Variants in CSRP2 observed in about 807,000 individuals in gnomAD.
CSRP2 encodes cysteine and glycine rich protein 2, also known as cysteine and glycine-rich protein 2.
In CSRP2, 18 loss-of-function variants were observed where a neutral mutation model predicts 24.6. That is an observed-to-expected ratio of 0.73 (90% CI 0.51 to 1.09). The LOEUF (loss-of-function observed/expected upper bound fraction) is 1.09. Among genes scored for constraint, CSRP2 ranks in the 50% least tolerant of loss-of-function variants. The probability of loss-of-function intolerance (pLI) is 0.00; values close to 1 mark genes in which losing one functional copy is unlikely to be tolerated. For missense variants in CSRP2, 215 were observed against 239.4 expected (o/e 0.90, Z 0.67); for synonymous variants, 87 against 84.3 (o/e 1.03, Z -0.18).
chr12:76,875,215 C>G (rs1953841886), intron 1 of CSRP2, among the ~76,000 whole-genome samples: 1 of 152,140 alleles, frequency 6.6e-6, no homozygotes, highest in Non-Finnish European at 1.5e-5. Flanking sequence ...ACTCTCACAC[C>G]CAAACTGCTA....
chr12:76,858,849 C>G lies in CSRP2; in HGVS notation c.*103G>C, dbSNP rs1592505814. The G allele has an allele frequency of 9.2e-7, 1 of 1,083,444 alleles. No individual in the cohort carries two copies. Among genetic ancestry groups the G allele is most frequent in the East Asian group, 2.4e-5 (1 of 42,032 alleles). 67.1% of individuals were successfully genotyped at this position (1,083,444 alleles called of 1,614,324 possible). ...TCCAAGTACAGGGCGATATACAGTACTTAATGCTGGTAGAATTTCACAGTA... is the reference window on the plus strand; with the variant it reads ...TCCAAGTACAGGGCGATATACAGTAGTTAATGCTGGTAGAATTTCACAGTA... On this transcript the variant is annotated 3_prime_UTR_variant, in exon 6 of 6. Coordinates refer to ENST00000311083, the MANE Select transcript of CSRP2 (RefSeq NM_001321.3).
At chr12:76,867,631 C>T (rs769603618) in intron 1 of CSRP2, among the ~76,000 whole-genome samples, 9 of 152,270 alleles carry the variant, frequency 5.9e-5, no homozygotes, top group African/African-American at 1.9e-4. Flanking sequence ...AAAACACAAG[C>T]GATTGATTCC....
intron 2 of CSRP2, chr12:76,864,457 A>G (rs758516595): frequency 2.0e-5 from 3 of 152,182 alleles, no homozygotes; most frequent in Non-Finnish European, 4.4e-5. Context: ...TGTACATTTA[A>G]AAATAAGACA....
chr12:76,870,497 C>A (rs1250083813), intron 1 of CSRP2, among the ~76,000 whole-genome samples: 1 of 152,216 alleles, frequency 6.6e-6, no homozygotes, highest in African/African-American at 2.4e-5. Flanking sequence ...ACTTACTGTG[C>A]AATAAGTTTC....
intron 3 of CSRP2, 120 bp downstream of exon 3, chr12:76,863,056 A>G: frequency 6.9e-7 from 1 of 1,457,832 alleles, no homozygotes; most frequent in South Asian, 1.4e-5. Context: ...AGAAAATCAG[A>G]GTCCCATTTT....
At chr12:76,872,015 G>A (rs1239385257) in intron 1 of CSRP2, among the ~76,000 whole-genome samples, 1 of 152,136 alleles carries the variant, frequency 6.6e-6, no homozygotes, top group Non-Finnish European at 1.5e-5. Context: ...TGGGCTGCAT[G>A]CCTTTCCCAA....
rs11115935 is a variant in CSRP2 at position 76,874,199 on chromosome 12, T to C, written c.-2+4739A>G. Among the ~76,000 whole-genome samples, 1,379 of 152,336 alleles carry C rather than the reference T, an allele frequency of 9.1e-3. 14 individuals carry two copies. The highest frequency in any genetic ancestry group is 0.014 in the Non-Finnish European group (930 of 68,030). On this transcript the variant is annotated intron_variant, in intron 1 of 5. Coordinates refer to ENST00000311083, the MANE Select transcript of CSRP2 (RefSeq NM_001321.3). ...CTGAGAGTGGATTCCTGGAACTACG[T>C]TGAGAAAGATTCTGAAATTCAGTCC...
chr12:76,865,239 G>A (rs933045715), intron 2 of CSRP2, among the ~76,000 whole-genome samples: 1 of 152,106 alleles, frequency 6.6e-6, no homozygotes, highest in Non-Finnish European at 1.5e-5. Context: ...TAAAGTATTT[G>A]CATTCTGTTT....
chr12:76,869,571 CACACACA>C (rs1953773931), intron 1 of CSRP2, among the ~76,000 whole-genome samples: 4 of 146,304 alleles, frequency 2.7e-5, no homozygotes, highest in Non-Finnish European at 4.5e-5. Context: ...CACACACACA[CACACACA>C]CCCCTGACTG....
rs1445825397 is a variant in CSRP2, at chr12:76,863,271, G to A, written c.186C>T (p.Tyr62=). The stretch of plus-strand genomic sequence containing the variant: ...AGCCTTTTGGCCCATACTTCTTTCC[G>A]TAGCAGGATTTGCAGTAGATCTCTT... The part of the protein sequence containing the change: ...HDEEIYCKSC[Y]GKKYGPKGYG... Residue 62 remains tyrosine (Y), a synonymous_variant, in exon 3 of 6, where the codon TAC becomes TAT. Coordinates refer to ENST00000311083, the MANE Select transcript of CSRP2 (RefSeq NM_001321.3). The A allele has an allele frequency of 1.9e-6, 3 of 1,614,048 alleles. No homozygotes were observed. The highest frequency in any genetic ancestry group is 2.5e-6 in the Non-Finnish European group (3 of 1,180,032).
At chr12:76,860,211 A>G in intron 4 of CSRP2, 73 bp downstream of exon 4, 1 of 1,469,184 alleles carries the variant, frequency 6.8e-7, no homozygotes, top group Non-Finnish European at 9.3e-7. Context: ...CAAGCAAGGA[A>G]TGTGGAAGGG....
chr12:76,858,716 C>G lies in CSRP2; in HGVS notation c.*236G>C, dbSNP rs1565818404. The G allele has an allele frequency of 7.9e-6, 3 of 381,234 alleles. No homozygotes were observed. The highest frequency in any genetic ancestry group is 1.4e-5 in the Non-Finnish European group (3 of 207,966). 23.6% of individuals were successfully genotyped at this position (381,234 alleles called of 1,614,324 possible). A position where few individuals can be genotyped will look rare whatever the true frequency, so the allele number is the denominator to read the frequency against. On this transcript the variant is annotated 3_prime_UTR_variant, in exon 6 of 6. Transcript: ENST00000311083. ...ATTAAAAGACAATGAACACCCAAAT[C>G]AAGCTGAAGTTTTATTTAAAATGTA...
chr12:76,862,586 G>A (rs988083540), intron 3 of CSRP2: 2 of 474,040 alleles, frequency 4.2e-6, no homozygotes, highest in Non-Finnish European at 6.5e-6. Flanking sequence ...AAACAAATAA[G>A]TTATTTAACC....
At chr12:76,864,656 T>C (rs1335259795) in intron 2 of CSRP2, 4 of 150,196 alleles carry the variant, frequency 2.7e-5, no homozygotes, top group Non-Finnish European at 5.9e-5. Context: ...GGGGGTTGAA[T>C]AAAAAGGAAG....
intron 1 of CSRP2, among the ~76,000 whole-genome samples, chr12:76,866,469 A>G (rs1382055336): frequency 1.0e-5 from 1 of 99,908 alleles, no homozygotes; most frequent in Non-Finnish European, 2.2e-5. Context: ...TGTCGTGCAC[A>G]AGATTTTTTT....
intron 5 of CSRP2, 58 bp from the exon 6 acceptor site, chr12:76,859,086 T>A: frequency 1.4e-6 from 2 of 1,395,984 alleles, no homozygotes; most frequent in Non-Finnish European, 2.0e-6. Context: ...TTGCTAGCAC[T>A]GCTTAAGACC....
In CSRP2 at chr12:76,866,993, G is replaced by A. The variant is rs192591361; in HGVS notation, c.-1-732C>T. ...TTGGGTTTTCCTCTTTGGCAAGTCA[G>A]TCAGGCCATACAGAATCTGCTACAA... On this transcript the variant is annotated intron_variant, in intron 1 of 5. Coordinates refer to ENST00000311083, the MANE Select transcript of CSRP2 (RefSeq NM_001321.3). Among the ~76,000 whole-genome samples the A allele has an allele frequency of 2.1e-3, 313 of 152,306 alleles. 1 individual carries two copies. The highest frequency in any genetic ancestry group is 6.7e-3 in the African/African-American group (279 of 41,550).
chr12:76,863,912 T>C (rs1475827513), intron 2 of CSRP2: 1 of 152,206 alleles, frequency 6.6e-6, no homozygotes, highest in Admixed American at 6.5e-5. Flanking sequence ...GGGATAATAA[T>C]AGTTTTAAAT....
At chr12:76,876,585 G>T (rs187472763) in intron 1 of CSRP2, among the ~76,000 whole-genome samples, 21 of 152,230 alleles carry the variant, frequency 1.4e-4, no homozygotes, top group Admixed American at 1.4e-3. Context: ...TCACAGGAGT[G>T]CCATGATATA....
Sources: gnomAD v4.1 joint callset for allele counts (sites outside exome capture counted in the v4.1 genomes callset) on GRCh38, gnomAD v4.1.1 for gene constraint, MANE v1.5 for transcripts, NCBI Gene and HGNC (gene_info 2026-07-23, HGNC 2026-07-21) for gene names.